Variants in ADGRE2 observed in about 807,000 individuals in gnomAD.
ADGRE2 encodes the protein adhesion G protein-coupled receptor E2, also known as CD97 antigen.
ADGRE2 carries 83 observed loss-of-function variants against 100.8 expected under a neutral mutation model. The observed-to-expected ratio is 0.82, with a 90% CI of 0.69 to 0.99. The LOEUF (loss-of-function observed/expected upper bound fraction) is 0.99, where lower values mean the gene tolerates loss of function less well. ADGRE2 is among the 50% of genes least tolerant of loss of function. The pLI, the probability that ADGRE2 is intolerant of heterozygous loss-of-function variation, is 0.00. For synonymous variants in ADGRE2, 355 were observed against 413.0 expected (o/e 0.86, Z 1.70); for missense variants, 814 against 1,035.7 (o/e 0.79, Z 2.94).
chr19:14,766,765 A>C lies in ADGRE2; in HGVS notation c.487+213T>G, dbSNP rs187414137. Among the ~76,000 whole-genome samples the C allele has an allele frequency of 1.2e-4, 18 of 152,328 alleles. No individual in the cohort carries two copies. The East Asian group carries it at 3.5e-3, about 29-fold the overall frequency. ...AGGAAGGGGTGAGGTCTGGGGGCCC[A>C]CAAGGGCACTCCAAGCCCTGAAGGC... On this transcript the variant is annotated intron_variant, in intron 6 of 20. Transcript: ENST00000315576.
Position 14,751,431 on chromosome 19 carries a change from C to A in ADGRE2, c.2024+5G>T, listed in dbSNP as rs766971116. Reference sequence around the variant, plus strand: ...AAGATAAGGATTGTGAGAATTTGCACTAACCGGGAAGGTGTTCCATAAAGG... The same window carrying A: ...AAGATAAGGATTGTGAGAATTTGCAATAACCGGGAAGGTGTTCCATAAAGG... On this transcript the variant is annotated splice_donor_5th_base_variant and intron_variant, in intron 16 of 20. Coordinates refer to ENST00000315576, the MANE Select transcript of ADGRE2 (RefSeq NM_013447.4). The A allele has an allele frequency of 1.9e-6, 3 of 1,610,082 alleles. No homozygotes were observed. The South Asian group carries it at 3.3e-5, about 18-fold the overall frequency.
chr19:14,767,602 T>G (rs764211152), intron 5 of ADGRE2, among the ~76,000 whole-genome samples: 68 of 152,154 alleles, frequency 4.5e-4, no homozygotes, highest in Non-Finnish European at 8.7e-4. Context: ...CCAGGCCTTC[T>G]GTTGTTCAGA....
Position 14,755,888 on chromosome 19 carries a change from A to C in ADGRE2, c.1193-11T>G. 6.2e-7 allele frequency: 1 copy of C among 1,610,800 alleles called. No individual in the cohort carries two copies. Among genetic ancestry groups the C allele is most frequent in the African/African-American group, 1.3e-5 (1 of 74,950 alleles). Reference sequence around the variant, plus strand: ...CCACCACAGAAGGGCCTGCAGGGCGAGGCCAAGGTTGAATCTTGGAGTAGG... The same window carrying C: ...CCACCACAGAAGGGCCTGCAGGGCGCGGCCAAGGTTGAATCTTGGAGTAGG... On this transcript the variant is annotated splice_polypyrimidine_tract_variant and intron_variant, in intron 12 of 20. Coordinates refer to ENST00000315576, the MANE Select transcript of ADGRE2 (RefSeq NM_013447.4).
chr19:14,725,285 C>T, the ADGRE2 span, among the ~76,000 whole-genome samples: 2 of 152,178 alleles, frequency 1.3e-5, no homozygotes, highest in Admixed American at 6.6e-5. Flanking sequence ...GATCCGAATA[C>T]GTCCCACCAG....
intron 16 of ADGRE2, among the ~76,000 whole-genome samples, chr19:14,747,359 G>A (rs1311535090): frequency 1.3e-5 from 2 of 152,014 alleles, no homozygotes; most frequent in East Asian, 3.9e-4. Context: ...AAATAGCCGG[G>A]TGTGGTGGCT....
At chr19:14,759,225 T>G (rs749173539) in intron 11 of ADGRE2, among the ~76,000 whole-genome samples, 10 of 152,016 alleles carry the variant, frequency 6.6e-5, no homozygotes, top group Non-Finnish European at 1.0e-4. Context: ...AGGTAACCTT[T>G]TCCTATTGGC....
chr19:14,749,407 TTA>T (rs200052420), intron 16 of ADGRE2, among the ~76,000 whole-genome samples: 7,440 of 141,280 alleles, frequency 0.053, 214 homozygotes, highest in Middle Eastern at 0.064. Context: ...ATATAATTAT[TTA>T]TAGTTATATA....
At chr19:14,771,294 T>C (rs2044198876) in intron 5 of ADGRE2, among the ~76,000 whole-genome samples, 1 of 152,184 alleles carries the variant, frequency 6.6e-6, no homozygotes, top group Non-Finnish European at 1.5e-5. Context: ...CTCAGCTTCT[T>C]CATTTCCTGC....
intron 10 of ADGRE2, 133 bp from the exon 11 acceptor site, chr19:14,764,743 G>T: frequency 1.0e-6 from 1 of 973,208 alleles, no homozygotes; most frequent in Non-Finnish European, 1.5e-6. Flanking sequence ...TGGCGGCTGG[G>T]CGCGGTGGCT....
intron 2 of ADGRE2, among the ~76,000 whole-genome samples, chr19:14,774,921 G>A (rs549447273): frequency 3.3e-3 from 499 of 151,106 alleles, no homozygotes; most frequent in Non-Finnish European, 5.6e-3. Flanking sequence ...TGATCTGCCG[G>A]CCTTGGCCTC....
chr19:14,752,980 C>T (rs747966063), intron 14 of ADGRE2, among the ~76,000 whole-genome samples: 1 of 152,072 alleles, frequency 6.6e-6, no homozygotes, highest in Non-Finnish European at 1.5e-5. Context: ...CCATGTTGGC[C>T]AGGCTGGTCT....
chr19:14,769,752 G>T (rs1160941505), intron 5 of ADGRE2, among the ~76,000 whole-genome samples: 1 of 152,104 alleles, frequency 6.6e-6, no homozygotes, highest in Non-Finnish European at 1.5e-5. Flanking sequence ...AGGCTGGAGT[G>T]CAGTGGTGCC....
chr19:14,773,864 C>A, intron 4 of ADGRE2, 74 bp downstream of exon 4: 3 of 1,372,154 alleles, frequency 2.2e-6, no homozygotes, highest in Non-Finnish European at 3.1e-6. Context: ...TCACAACAAC[C>A]TCTGTCCCCC....
chr19:14,754,805 G>A (rs1344201939), intron 14 of ADGRE2, 149 bp downstream of exon 14: 4 of 806,046 alleles, frequency 5.0e-6, no homozygotes. Flanking sequence ...AGTCTTGTAA[G>A]ACCCTGAGCA....
At chr19:14,769,981 AGCCACTGCGCCCG>A (rs995506699) in intron 5 of ADGRE2, among the ~76,000 whole-genome samples, 3 of 152,208 alleles carry the variant, frequency 2.0e-5, no homozygotes, top group African/African-American at 7.2e-5. Context: ...TACAGGCATG[AGCCACTGCGCCCG>A]GCCAGTGCTG....
At position 14,774,325 on chromosome 19, in the gene ADGRE2, AGGGG is replaced by A. The variant is rs1310332332; in HGVS notation, c.32-23_32-20del. 1 of 1,486,228 alleles carries A rather than the reference AGGGG, an allele frequency of 6.7e-7. No individual in the cohort carries two copies. Among genetic ancestry groups the A allele is most frequent in the African/African-American group, 1.4e-5 (1 of 70,986 alleles). 92.1% of individuals were successfully genotyped at this position (1,486,228 alleles called of 1,614,324 possible). A position where few individuals can be genotyped will look rare whatever the true frequency, so the allele number is the denominator to read the frequency against. On this transcript the variant is annotated intron_variant, in intron 2 of 20. Coordinates refer to ENST00000315576, the MANE Select transcript of ADGRE2 (RefSeq NM_013447.4). ...CAGAATGCTGCAACAGAGAAAGGAA[AGGGG>A]GTCAGAGGGGATCCCAGGGTGGGAA...
At position 14,760,840 on chromosome 19, in the gene ADGRE2, C is replaced by T. The variant is rs746008540; in HGVS notation, c.1084+3593G>A. Among the ~76,000 whole-genome samples the T allele has an allele frequency of 4.6e-5, 7 of 152,246 alleles. No homozygotes were observed. The East Asian group carries it at 9.7e-4, about 21-fold the overall frequency. On this transcript the variant is annotated intron_variant, in intron 11 of 20. Coordinates refer to ENST00000315576, the MANE Select transcript of ADGRE2 (RefSeq NM_013447.4). ...CCTGAAGCTTAATAAGGAACATTTA[C>T]CATCTATTCTCTCTGAAGCCTGATA...
chr19:14,731,276 T>C, downstream of ADGRE2: 1 of 1,280,976 alleles, frequency 7.8e-7, no homozygotes, highest in Non-Finnish European at 1.1e-6. Context: ...TACTGGGGCT[T>C]GAAGACTCCA....
In ADGRE2 at chr19:14,772,834, C is replaced by T. The variant is rs555666788; in HGVS notation, c.200-337G>A. On this transcript the variant is annotated intron_variant, in intron 4 of 20. Coordinates refer to ENST00000315576, the MANE Select transcript of ADGRE2 (RefSeq NM_013447.4). ...GTGGCTCATACCTGTAATCCCAGCA[C>T]TTTGGGAGGCCGAGGCCGGCAGATC... Among the ~76,000 whole-genome samples the T allele has an allele frequency of 2.6e-5, 4 of 151,634 alleles. No individual in the cohort carries two copies. The East Asian group carries it at 5.8e-4, about 22-fold the overall frequency.
Sources: gnomAD v4.1 joint callset for allele counts (sites outside exome capture counted in the v4.1 genomes callset) on GRCh38, gnomAD v4.1.1 for gene constraint, MANE v1.5 for transcripts, NCBI Gene and HGNC (gene_info 2026-07-23, HGNC 2026-07-21) for gene names.